The following TTC3 variants were observed in gnomAD, a reference collection of about 807,000 sequenced individuals.
The protein encoded by TTC3 is E3 ubiquitin-protein ligase TTC3.
TTC3 carries 180 observed loss-of-function variants against 249.6 expected under a neutral mutation model. The ratio of observed to expected loss-of-function variants is 0.72; its 90% CI spans 0.64 to 0.82. TTC3 has a LOEUF of 0.82. TTC3 is among the 40% of genes least tolerant of loss of function. The probability of loss-of-function intolerance (pLI) is 0.00; values close to 1 mark genes in which losing one functional copy is unlikely to be tolerated. For synonymous variants in TTC3, 717 were observed against 805.0 expected (o/e 0.89, Z 1.85); for missense variants, 2,061 against 2,398.4 (o/e 0.86, Z 2.94).
At chr21:37,157,991 T>C (rs2080277759) in intron 28 of TTC3, 2 of 269,844 alleles carry the variant, frequency 7.4e-6, no homozygotes, top group South Asian at 2.8e-4. Context: ...TTTTAAAGGG[T>C]ACATTAAAAG....
chr21:37,171,710 G>T (rs936064732), intron 34 of TTC3, among the ~76,000 whole-genome samples: 1 of 152,078 alleles, frequency 6.6e-6, no homozygotes, highest in Admixed American at 6.5e-5. Flanking sequence ...CTAAACTTTC[G>T]GTCTGAGCAG....
At chr21:37,082,488 G>T (rs1248157299) in intron 1 of TTC3, 3 of 985,202 alleles carry the variant, frequency 3.0e-6, no homozygotes, top group Admixed American at 6.1e-5. Context: ...TATCAGCTTT[G>T]TCTGGGAGCC....
chr21:37,148,873 C>T lies in TTC3; in HGVS notation c.2118+226C>T, dbSNP rs181660743. ...GACGGATCTCACTGTGTTGCCCAGG[C>T]TAGAGTGCAGTGGTGCAGTCGTAGC... On this transcript the variant is annotated intron_variant, in intron 23 of 45. Coordinates refer to ENST00000355666, the Ensembl canonical transcript of TTC3. 9.2e-5 allele frequency among the ~76,000 whole-genome samples: 14 copies of T among 152,222 alleles called. No homozygotes were observed. In the East Asian group the frequency reaches 2.1e-3, roughly 23 times the overall value.
exon 33 of TTC3, chr21:37,165,752 A>G (rs2081197154): frequency 1.2e-6 from 2 of 1,613,224 alleles, no homozygotes; most frequent in East Asian, 2.2e-5. Flanking sequence ...ACGGCTCAAG[A>G]AAAAAAGGAA....
In TTC3 at chr21:37,130,781, C is replaced by T. The variant is rs564492778; in HGVS notation, c.1358+1718C>T. 8.2e-5 allele frequency among the ~76,000 whole-genome samples: 11 copies of T among 133,842 alleles called. No homozygotes were observed. In the South Asian group the frequency reaches 2.8e-3, roughly 34 times the overall value. The allele number at this position is 133,842 out of a possible 152,430, so 87.8% of individuals were successfully genotyped here. A position where few individuals can be genotyped will look rare whatever the true frequency, so the allele number is the denominator to read the frequency against. On this transcript the variant is annotated intron_variant, in intron 16 of 45. Transcript: ENST00000355666. ...CCTCCCTCACTTTCTATCCCTCTAT[C>T]CATCTCTCTCTTTTTCTTCTTCCTT...
chr21:37,197,904 G>A (rs763324749), exon 44 of TTC3: 3 of 1,613,636 alleles, frequency 1.9e-6, no homozygotes, highest in South Asian at 2.2e-5. Flanking sequence ...AAGGACAAGA[G>A]GACTTATGAG....
intron 37 of TTC3, among the ~76,000 whole-genome samples, chr21:37,186,284 T>A (rs994757585): frequency 6.6e-6 from 1 of 152,238 alleles, no homozygotes; most frequent in African/African-American, 2.4e-5. Context: ...ATTCTGCTTT[T>A]CTCACTATTG....
intron 35 of TTC3, among the ~76,000 whole-genome samples, chr21:37,174,799 A>G (rs1186613121): frequency 2.0e-5 from 3 of 152,022 alleles, no homozygotes; most frequent in Admixed American, 2.0e-4. Flanking sequence ...TTAATAATGT[A>G]TTGTCTACTT....
chr21:37,139,262 A>G (rs544329781), intron 19 of TTC3, among the ~76,000 whole-genome samples: 11 of 152,196 alleles, frequency 7.2e-5, no homozygotes, highest in South Asian at 6.2e-4. Context: ...CGTAGAAAGT[A>G]CTTGGATATT....
chr21:37,191,792 T>C (rs2084155918), intron 40 of TTC3, among the ~76,000 whole-genome samples: 1 of 152,204 alleles, frequency 6.6e-6, no homozygotes, highest in Admixed American at 6.5e-5. Context: ...TCTCTCCATG[T>C]TGGTCAGGCT....
At chr21:37,115,235 T>C (rs1262035690) in intron 11 of TTC3, among the ~76,000 whole-genome samples, 1 of 151,082 alleles carries the variant, frequency 6.6e-6, no homozygotes, top group East Asian at 1.9e-4. Context: ...TAATTAAAAT[T>C]GTAGGGATTT....
chr21:37,109,085 G>A (rs1176683056), intron 11 of TTC3, among the ~76,000 whole-genome samples: 1 of 152,180 alleles, frequency 6.6e-6, no homozygotes, highest in Admixed American at 6.5e-5. Context: ...TAGGGGTGGA[G>A]CCAAGATGGC....
At chr21:37,201,600 C>G (rs2085513464) in exon 46 of TTC3, 1 of 1,602,106 alleles carries the variant, frequency 6.2e-7, no homozygotes, top group East Asian at 2.2e-5. Context: ...GTGTCATCCA[C>G]CAGTGTGTTG....
intron 41 of TTC3, 72 bp from the exon 42 acceptor site, chr21:37,195,603 G>T: frequency 6.6e-7 from 1 of 1,519,922 alleles, no homozygotes; most frequent in South Asian, 1.3e-5. Flanking sequence ...TTATTCATCG[G>T]CCTTTGTCCT....
At chr21:37,185,256 AGT>A (rs1451525367) in intron 36 of TTC3, among the ~76,000 whole-genome samples, 1 of 152,150 alleles carries the variant, frequency 6.6e-6, no homozygotes, top group African/African-American at 2.4e-5. Context: ...AGAGAATGTG[AGT>A]GTGTGTGTGC....
intron 5 of TTC3, among the ~76,000 whole-genome samples, chr21:37,089,774 A>C (rs1257901138): frequency 6.6e-6 from 1 of 152,098 alleles, no homozygotes; most frequent in Non-Finnish European, 1.5e-5. Flanking sequence ...TCGGCCTCTC[A>C]AAGTGCTGGG....
intron 40 of TTC3, 125 bp from the exon 41 acceptor site, chr21:37,191,987 G>A (rs78166699): frequency 0.026 from 15,605 of 593,986 alleles, 288 homozygotes; most frequent in Middle Eastern, 0.041. Flanking sequence ...TGGAGCATTC[G>A]GTTTAATGAG....
chr21:37,093,905 T>C (rs1467334838), intron 7 of TTC3, 100 bp from the exon 8 acceptor site: 8 of 710,710 alleles, frequency 1.1e-5, no homozygotes, highest in East Asian at 2.8e-5. Context: ...ATAGGACCGT[T>C]GTGGACTCAC....
At chr21:37,152,957 T>A in exon 27 of TTC3, 1 of 1,587,422 alleles carries the variant, frequency 6.3e-7, no homozygotes, top group Admixed American at 1.8e-5. Flanking sequence ...TTAGAAACTG[T>A]AGACAATGTT....
Sources: gnomAD v4.1 joint callset for allele counts (sites outside exome capture counted in the v4.1 genomes callset) on GRCh38, gnomAD v4.1.1 for gene constraint, MANE v1.5 for transcripts, NCBI Gene and HGNC (gene_info 2026-07-23, HGNC 2026-07-21) for gene names.